POTEF: variants seen among roughly 807,000 people sequenced by gnomAD.
POTEF encodes the protein ANKRD26-like family C member 1B.
In POTEF, 20 loss-of-function variants were observed where a neutral mutation model predicts 83.2. The observed-to-expected ratio is 0.24, with a 90% CI of 0.17 to 0.35. POTEF has a LOEUF of 0.35. POTEF is among the 10% of genes least tolerant of loss of function. POTEF has a pLI of 1.00. For synonymous variants in POTEF, 196 were observed against 446.4 expected, an observed-to-expected ratio of 0.44 and a Z score of 7.07; for missense variants, 550 against 1,203.2, an observed-to-expected ratio of 0.46 and a Z score of 8.03.
At chr2:130,086,016 GA>G in intron 14 of POTEF, 21 bp from the exon 15 acceptor site, 3 of 892,010 alleles carry the variant, frequency 3.4e-6, no homozygotes, top group Non-Finnish European at 4.4e-6. Flanking sequence ...CAGAGAATAA[GA>G]AATTATCTAC....
intron 1 of POTEF, among the ~76,000 whole-genome samples, chr2:130,128,226 C>T (rs1685145274): frequency 6.6e-6 from 1 of 150,406 alleles, no homozygotes; most frequent in South Asian, 2.1e-4. Flanking sequence ...TAATCCCCAC[C>T]CGGTAGTCCC....
chr2:130,114,855 T>A (rs2104820808), intron 5 of POTEF, 26 bp downstream of exon 5: 1 of 938,990 alleles, frequency 1.1e-6, no homozygotes, highest in Non-Finnish European at 1.6e-6. Flanking sequence ...TTCAGTATTT[T>A]GAAGATAAAA....
chr2:130,124,997 T>C lies in POTEF; in HGVS notation c.-94+2712A>G, dbSNP rs914588154. On this transcript the variant is annotated intron_variant, in intron 2 of 16. Transcript: ENST00000409914. ...CTCTCTTAAATAATTTTGCCACCTC[T>C]ATGCCCAGTCACTGATGCACCTGTA... Among the ~76,000 whole-genome samples the C allele has an allele frequency of 1.3e-5, 2 of 151,656 alleles. 1 individual carries two copies. Among genetic ancestry groups the C allele is most frequent in the African/African-American group, 4.9e-5 (2 of 41,014 alleles).
In POTEF at chr2:130,115,373, T is replaced by A. The variant is rs753418592; in HGVS notation, c.522-45A>T. ...TTTTAGGAAATTGTAGTGCACTAGC[T>A]ACAGCCATAGCAATGATTCATGTAA... On this transcript the variant is annotated intron_variant, in intron 3 of 16. Transcript: ENST00000409914. The A allele has an allele frequency of 2.5e-6, 4 of 1,611,756 alleles. No individual in the cohort carries two copies. The Admixed American group carries it at 5.0e-5, about 20-fold the overall frequency.
chr2:130,110,449 A>C, intron 7 of POTEF, 94 bp downstream of exon 7: 2 of 1,572,550 alleles, frequency 1.3e-6, no homozygotes. Context: ...CCTGAACCAA[A>C]CTATGACATC....
intron 16 of POTEF, among the ~76,000 whole-genome samples, chr2:130,076,631 C>T (rs201024258): frequency 1.5e-4 from 22 of 142,102 alleles, no homozygotes; most frequent in East Asian, 1.0e-3. Context: ...TTGGAGCAAA[C>T]TGTTCCTCTC....
intron 3 of POTEF, among the ~76,000 whole-genome samples, chr2:130,118,524 A>C (rs1162971811): frequency 6.6e-6 from 1 of 151,412 alleles, no homozygotes; most frequent in Non-Finnish European, 1.5e-5. Flanking sequence ...GTGAAACCCC[A>C]TCTCTACTAA....
At chr2:130,115,624 G>A (rs1684827722) in intron 3 of POTEF, among the ~76,000 whole-genome samples, 2 of 152,120 alleles carry the variant, frequency 1.3e-5, no homozygotes, top group Non-Finnish European at 1.5e-5. Context: ...TGGGGTCTCA[G>A]TTTCCTCATC....
At chr2:130,075,920 CA>C (rs1683789319) in intron 16 of POTEF, among the ~76,000 whole-genome samples, 1 of 150,290 alleles carries the variant, frequency 6.7e-6, no homozygotes, top group Admixed American at 6.6e-5. Flanking sequence ...AACCCAGAGG[CA>C]TAAAATATAA....
Position 130,075,434 on chromosome 2 carries a change from T to C in POTEF, c.2038A>G (p.Ile680Val), listed in dbSNP as rs749576167. The change falls in exon 17 of 17, where the codon ATT becomes GTT. Residue 680 changes from isoleucine to valine, a missense_variant. Transcript: ENST00000409914. ...QLREKKYLED[I>V]ESVKKRNDNL... Reference sequence around the variant, plus strand: ...TCATTCCTTTTTTTCACACTTTCAATATCCTCCAAATATTTCTTTTCTCTT... The same window carrying C: ...TCATTCCTTTTTTTCACACTTTCAACATCCTCCAAATATTTCTTTTCTCTT... 6.2e-6 allele frequency: 10 copies of C among 1,611,534 alleles called. 1 individual carries two copies. Among genetic ancestry groups the C allele is most frequent in the South Asian group, 1.1e-5 (1 of 90,990 alleles).
chr2:130,121,115 T>TGCGCGCGGCGTGC (rs1553473434), intron 2 of POTEF, among the ~76,000 whole-genome samples: 9 of 150,790 alleles, frequency 6.0e-5, no homozygotes, highest in African/African-American at 2.2e-4. Flanking sequence ...GCCGGGCGTG[T>TGCGCGCGGCGTGC]GCGCGCGGCG....
In POTEF at chr2:130,119,029, AGC is replaced by A. The variant is rs1250013463; in HGVS notation, c.521+964_521+965del. ...ACATGCACATTTTGATATCTGGAAA[AGC>A]AGCCTTTTTCCATTCTGTTACAAAA... On this transcript the variant is annotated intron_variant, in intron 3 of 16. Transcript: ENST00000409914. Among the ~76,000 whole-genome samples the A allele has an allele frequency of 1.1e-4, 16 of 152,106 alleles. No homozygotes were observed. In the East Asian group the frequency reaches 3.1e-3, roughly 29 times the overall value.
chr2:130,107,849 T>C, intron 8 of POTEF, 160 bp downstream of exon 8: 2 of 635,322 alleles, frequency 3.1e-6, no homozygotes, highest in Non-Finnish European at 2.7e-6. Context: ...AATGTGATAA[T>C]AATATAAAGT....
chr2:130,127,694 C>T lies in POTEF; in HGVS notation c.-94+15G>A, dbSNP rs372575488. Reference sequence around the variant, plus strand: ...CAAGGTTCCTACCACCTTGCCCCCGCGGGCACCCTCCTACCACTCCTGTCG... The same window carrying T: ...CAAGGTTCCTACCACCTTGCCCCCGTGGGCACCCTCCTACCACTCCTGTCG... On this transcript the variant is annotated intron_variant, in intron 2 of 16. Coordinates refer to ENST00000409914, the MANE Select transcript of POTEF (RefSeq NM_001099771.2). 7,069 of 152,568 alleles carry T rather than the reference C, an allele frequency of 0.046. 246 individuals are homozygous for T. Among genetic ancestry groups the T allele is most frequent in the Non-Finnish European group, 0.07 (4,772 of 67,992 alleles). 9.5% of individuals were successfully genotyped at this position (152,568 alleles called of 1,614,324 possible).
At chr2:130,121,482 C>T (rs1349229470) in intron 2 of POTEF, among the ~76,000 whole-genome samples, 4 of 86,738 alleles carry the variant, frequency 4.6e-5, no homozygotes, top group Admixed American at 2.5e-4. Flanking sequence ...CTCAAAATCG[C>T]GGAGCACAAG....
chr2:130,128,480 C>T (rs1190763626), intron 1 of POTEF, among the ~76,000 whole-genome samples: 71 of 147,472 alleles, frequency 4.8e-4, no homozygotes, highest in African/African-American at 9.9e-4. Flanking sequence ...CCCCTGCCGC[C>T]GGCAGTGTAG....
chr2:130,119,075 A>G (rs1337399057), intron 3 of POTEF, among the ~76,000 whole-genome samples: 1 of 152,038 alleles, frequency 6.6e-6, no homozygotes, highest in Non-Finnish European at 1.5e-5. Context: ...TATCACAATA[A>G]TAAAAGACAG....
At chr2:130,109,372 C>G (rs1684639844) in intron 7 of POTEF, 1 of 143,212 alleles carries the variant, frequency 7.0e-6, no homozygotes, top group Non-Finnish European at 1.5e-5. Flanking sequence ...TCTGTGAAGT[C>G]CAACTAACCT....
chr2:130,120,706 C>T lies in POTEF; in HGVS notation c.-93-98G>A, dbSNP rs1246703559. 6 of 976,110 alleles carry T rather than the reference C, an allele frequency of 6.1e-6. 1 individual carries two copies. The highest frequency in any genetic ancestry group is 3.4e-5 in the African/African-American group (2 of 58,276). 60.5% of individuals were successfully genotyped at this position (976,110 alleles called of 1,614,324 possible). A position where few individuals can be genotyped will look rare whatever the true frequency, so the allele number is the denominator to read the frequency against. Reference sequence around the variant, plus strand: ...CACCCAGGGAAAACCCACACCCACCCGAGGAAAGCCCACGCCCCCCCTGGG... The same window carrying T: ...CACCCAGGGAAAACCCACACCCACCTGAGGAAAGCCCACGCCCCCCCTGGG... On this transcript the variant is annotated intron_variant, in intron 2 of 16. Coordinates refer to ENST00000409914, the MANE Select transcript of POTEF (RefSeq NM_001099771.2).
Sources: gnomAD v4.1 joint callset for allele counts (sites outside exome capture counted in the v4.1 genomes callset) on GRCh38, gnomAD v4.1.1 for gene constraint, MANE v1.5 for transcripts, NCBI Gene and HGNC (gene_info 2026-07-23, HGNC 2026-07-21) for gene names.